ZNF516: variants seen among roughly 807,000 people sequenced by gnomAD.
ZNF516 encodes zinc finger protein 516.
Under a neutral mutation model 79.7 loss-of-function variants are expected in ZNF516, and 19 were observed. That is an observed-to-expected ratio of 0.24 (90% CI 0.17 to 0.35). ZNF516 has a LOEUF of 0.35. Among genes scored for constraint, ZNF516 ranks in the 10% least tolerant of loss-of-function variants. ZNF516 has a pLI of 1.00. For synonymous variants in ZNF516, 877 were observed against 739.5 expected, an observed-to-expected ratio of 1.19 and a Z score of -3.02; for missense variants, 1,678 against 1,679.5, an observed-to-expected ratio of 1.00 and a Z score of 0.02.
intron 3 of ZNF516, among the ~76,000 whole-genome samples, chr18:76,380,699 G>A (rs572981345): frequency 1.1e-3 from 160 of 152,256 alleles, no homozygotes; most frequent in Non-Finnish European, 1.7e-3. Flanking sequence ...GGCTCTTGTG[G>A]AATCTTCACA....
chr18:76,490,751 G>A (rs867706532), intron 1 of ZNF516: 5 of 985,138 alleles, frequency 5.1e-6, no homozygotes, highest in Admixed American at 6.1e-5. Context: ...GTGTAAGTAG[G>A]ATCCCCACTA....
chr18:76,436,614 C>T (rs2075740491), intron 3 of ZNF516, among the ~76,000 whole-genome samples: 1 of 152,156 alleles, frequency 6.6e-6, no homozygotes, highest in Non-Finnish European at 1.5e-5. Flanking sequence ...AGAGCTCCTC[C>T]TGCTCTACCT....
At chr18:76,371,435 C>T in intron 5 of ZNF516, 32 bp downstream of exon 5, 1 of 1,581,826 alleles carries the variant, frequency 6.3e-7, no homozygotes, top group Non-Finnish European at 8.6e-7. Flanking sequence ...TCCTCTGCTC[C>T]CCTTGGGGAT....
chr18:76,477,416 C>T (rs946619667), intron 1 of ZNF516, among the ~76,000 whole-genome samples: 2 of 152,140 alleles, frequency 1.3e-5, no homozygotes, highest in South Asian at 2.1e-4. Context: ...CCTCCAAGAA[C>T]GGGACCCAGC....
In ZNF516 at chr18:76,360,521, G is replaced by A. The variant is rs1476785455; in HGVS notation, c.*1977C>T. On this transcript the variant is annotated 3_prime_UTR_variant, in exon 7 of 7. Coordinates refer to ENST00000443185, the MANE Select transcript of ZNF516 (RefSeq NM_014643.4). ...CAACTTTGCCCAAAATAACTTTACAGAACAGTCAATTACAGTTGTTTAACT... is the reference window on the plus strand; with the variant it reads ...CAACTTTGCCCAAAATAACTTTACAAAACAGTCAATTACAGTTGTTTAACT... 6.7e-6 allele frequency: 1 copy of A among 150,328 alleles called. No homozygotes were observed. Among genetic ancestry groups the A allele is most frequent in the African/African-American group, 2.4e-5 (1 of 40,820 alleles). 9.3% of individuals were successfully genotyped at this position (150,328 alleles called of 1,614,324 possible).
intron 6 of ZNF516, among the ~76,000 whole-genome samples, chr18:76,367,406 G>T (rs778416965): frequency 2.3e-4 from 35 of 152,176 alleles, no homozygotes; most frequent in Non-Finnish European, 3.4e-4. Context: ...AACTCTGACG[G>T]TGTCAGCCCT....
chr18:76,452,364 C>T (rs776835467), intron 2 of ZNF516, among the ~76,000 whole-genome samples: 5 of 152,226 alleles, frequency 3.3e-5, no homozygotes, highest in Non-Finnish European at 5.9e-5. Context: ...CTTTACATTA[C>T]TTAGCACCCC....
At chr18:76,468,102 G>A (rs528910728) in intron 1 of ZNF516, among the ~76,000 whole-genome samples, 1 of 152,318 alleles carries the variant, frequency 6.6e-6, no homozygotes, top group East Asian at 1.9e-4. Flanking sequence ...CATCCCAGGA[G>A]ATTCTCTGGC....
chr18:76,383,726 G>A (rs1191125222), intron 3 of ZNF516, among the ~76,000 whole-genome samples: 6 of 152,230 alleles, frequency 3.9e-5, no homozygotes, highest in African/African-American at 1.4e-4. Flanking sequence ...CACTGAAACA[G>A]CAAAAGCCTC....
chr18:76,492,446 G>C, intron 1 of ZNF516: 2 of 835,168 alleles, frequency 2.4e-6, no homozygotes, highest in Non-Finnish European at 2.9e-6. Flanking sequence ...GTGGGCAGCC[G>C]AACTTTCACT....
At chr18:76,373,396 A>G (rs149921359) in intron 4 of ZNF516, among the ~76,000 whole-genome samples, 388 of 152,288 alleles carry the variant, frequency 2.5e-3, no homozygotes, top group African/African-American at 8.8e-3. Context: ...TCCCCCATTC[A>G]TTTGCATTAG....
upstream of ZNF516, chr18:76,496,204 C>A (rs1444980639): frequency 1.7e-6 from 2 of 1,196,732 alleles, no homozygotes; most frequent in Non-Finnish European, 2.1e-6. Context: ...CGAGGGCGAG[C>A]GCCCCTTCAC....
chr18:76,401,280 A>G (rs1278508633), intron 3 of ZNF516, among the ~76,000 whole-genome samples: 1 of 151,056 alleles, frequency 6.6e-6, no homozygotes, highest in African/African-American at 2.4e-5. Flanking sequence ...AACCAAAAAA[A>G]AGAATTTCAA....
rs181450677 is a variant in ZNF516 at position 76,412,829 on chromosome 18, G to A, written c.1810+28416C>T. 2.0e-5 allele frequency among the ~76,000 whole-genome samples: 3 copies of A among 152,314 alleles called. 1 individual carries two copies. The highest frequency in any genetic ancestry group is 7.2e-5 in the African/African-American group (3 of 41,560). On this transcript the variant is annotated intron_variant, in intron 3 of 6. Coordinates refer to ENST00000443185, the MANE Select transcript of ZNF516 (RefSeq NM_014643.4). Reference sequence around the variant, plus strand: ...GTCCTCTCCTCTCCCAAAGAACTCCGGGTCTTCTTTCTAGTCTTTCTTCCC... The same window carrying A: ...GTCCTCTCCTCTCCCAAAGAACTCCAGGTCTTCTTTCTAGTCTTTCTTCCC...
At chr18:76,479,989 G>A (rs112558676) in intron 1 of ZNF516, among the ~76,000 whole-genome samples, 1 of 152,112 alleles carries the variant, frequency 6.6e-6, no homozygotes, top group Non-Finnish European at 1.5e-5. Flanking sequence ...GCAGAAATCA[G>A]AAACAGAGGA....
At chr18:76,479,457 C>G (rs779234088) in intron 1 of ZNF516, among the ~76,000 whole-genome samples, 1 of 152,236 alleles carries the variant, frequency 6.6e-6, no homozygotes, top group Non-Finnish European at 1.5e-5. Flanking sequence ...AGGGTTCCAG[C>G]TCCCCATTGT....
intron 6 of ZNF516, among the ~76,000 whole-genome samples, chr18:76,365,504 A>G (rs1820635292): frequency 1.3e-5 from 2 of 152,226 alleles, no homozygotes; most frequent in Admixed American, 1.3e-4. Flanking sequence ...ATTTCAACAT[A>G]TTGTTTTCAG....
intron 2 of ZNF516, among the ~76,000 whole-genome samples, chr18:76,449,545 G>C (rs1180670273): frequency 6.6e-6 from 1 of 152,220 alleles, no homozygotes; most frequent in Non-Finnish European, 1.5e-5. Flanking sequence ...GTGTGACCCT[G>C]AGCAAGTGTC....
rs1443426803 is a variant in ZNF516, at chr18:76,359,185, C to T, written c.*3313G>A. On this transcript the variant is annotated 3_prime_UTR_variant, in exon 7 of 7. Coordinates refer to ENST00000443185, the MANE Select transcript of ZNF516 (RefSeq NM_014643.4). ...CTCCCAATTGCTACTTCCTGAAGCA[C>T]CTGCTTTTCAGGGAACCAGTGTCTT... 2 of 152,326 alleles carry T rather than the reference C, an allele frequency of 1.3e-5. No individual in the cohort carries two copies. The highest frequency in any genetic ancestry group is 2.9e-5 in the Non-Finnish European group (2 of 68,042). The allele number at this position is 152,326 out of a possible 1,614,324, so 9.4% of individuals were successfully genotyped here.
Sources: gnomAD v4.1 joint callset for allele counts (sites outside exome capture counted in the v4.1 genomes callset) on GRCh38, gnomAD v4.1.1 for gene constraint, MANE v1.5 for transcripts, NCBI Gene and HGNC (gene_info 2026-07-23, HGNC 2026-07-21) for gene names.